Variants in CTNNA2 observed in about 807,000 individuals in gnomAD.
The protein encoded by CTNNA2 is catenin alpha 2.
CTNNA2 carries 42 observed loss-of-function variants against 101.0 expected under a neutral mutation model. That is an observed-to-expected ratio of 0.42 (90% CI 0.32 to 0.54). The LOEUF is 0.54. Ranked by LOEUF, CTNNA2 falls within the 20% of genes least tolerant of loss-of-function variation. CTNNA2 has a pLI of 0.14. For synonymous variants in CTNNA2, 450 were observed against 456.4 expected (o/e 0.99, Z 0.18); for missense variants, 871 against 1,223.1 (o/e 0.71, Z 4.29).
intron 4 of CTNNA2, among the ~76,000 whole-genome samples, chr2:79,414,715 A>G (rs1379681247): frequency 1.3e-5 from 2 of 151,978 alleles, no homozygotes; most frequent in Admixed American, 1.3e-4. Context: ...GAACCCCTAT[A>G]ATACCAGATG....
At chr2:79,501,169 A>G (rs1671315026) in intron 4 of CTNNA2, among the ~76,000 whole-genome samples, 3 of 152,226 alleles carry the variant, frequency 2.0e-5, no homozygotes, top group African/African-American at 7.2e-5. Flanking sequence ...TTTGAATATA[A>G]TGATGACCTT....
intron 7 of CTNNA2, among the ~76,000 whole-genome samples, chr2:79,961,928 C>A (rs537860540): frequency 6.6e-6 from 1 of 151,014 alleles, no homozygotes; most frequent in East Asian, 2.0e-4. Context: ...ATTTTTAATT[C>A]ATCCAGATAA....
chr2:79,740,450 C>T (rs76574331), intron 2 of CTNNA2, among the ~76,000 whole-genome samples: 2,842 of 152,128 alleles, frequency 0.019, 85 homozygotes, highest in East Asian at 0.11. Flanking sequence ...TACTTTTGTC[C>T]TTCTTTTGCT....
chr2:79,229,973 A>G (rs1349589364), intron 2 of CTNNA2, among the ~76,000 whole-genome samples: 3 of 152,228 alleles, frequency 2.0e-5, no homozygotes, highest in Non-Finnish European at 4.4e-5. Context: ...AGAAATTTCT[A>G]AACAGCAAAG....
intron 4 of CTNNA2, among the ~76,000 whole-genome samples, chr2:79,868,883 T>A (rs1460385511): frequency 6.6e-6 from 1 of 152,192 alleles, no homozygotes; most frequent in Non-Finnish European, 1.5e-5. Flanking sequence ...TTTCCATTGA[T>A]GAAATTATTT....
At chr2:79,771,310 G>A (rs970677349) in intron 3 of CTNNA2, among the ~76,000 whole-genome samples, 2 of 152,134 alleles carry the variant, frequency 1.3e-5, no homozygotes, top group Admixed American at 6.6e-5. Flanking sequence ...TTAGCTCAGC[G>A]GTCCCAACCT....
chr2:80,333,152 C>T (rs866878323), intron 7 of CTNNA2, among the ~76,000 whole-genome samples: 3 of 152,198 alleles, frequency 2.0e-5, no homozygotes, highest in Non-Finnish European at 4.4e-5. Context: ...GAAAAGTTTT[C>T]GGATCCCTGT....
chr2:80,538,853 A>G (rs1691281243), intron 9 of CTNNA2, among the ~76,000 whole-genome samples: 1 of 152,202 alleles, frequency 6.6e-6, no homozygotes, highest in Non-Finnish European at 1.5e-5. Flanking sequence ...CTTCCTGTCC[A>G]CGAGCATGGA....
intron 2 of CTNNA2, among the ~76,000 whole-genome samples, chr2:79,683,393 A>G (rs1051705716): frequency 3.9e-5 from 6 of 152,200 alleles, no homozygotes; most frequent in Non-Finnish European, 8.8e-5. Flanking sequence ...TTCTGCCTCA[A>G]TTTCCCTGAA....
intron 7 of CTNNA2, among the ~76,000 whole-genome samples, chr2:80,257,749 C>T (rs537418417): frequency 1.3e-5 from 2 of 152,232 alleles, no homozygotes; most frequent in East Asian, 1.9e-4. Context: ...ACTCTGCCTT[C>T]GGCATTCTGT....
chr2:79,555,307 TC>T (rs1321008713), intron 1 of CTNNA2, among the ~76,000 whole-genome samples: 1 of 152,056 alleles, frequency 6.6e-6, no homozygotes, highest in Admixed American at 6.6e-5. Context: ...CACCCAGTAG[TC>T]CCCACCCTGA....
At chr2:80,429,702 A>G (rs1681314499) in intron 9 of CTNNA2, among the ~76,000 whole-genome samples, 1 of 152,202 alleles carries the variant, frequency 6.6e-6, no homozygotes, top group Non-Finnish European at 1.5e-5. Flanking sequence ...ATTCTTATAT[A>G]CTAGTGGAAC....
chr2:79,909,333 GA>G (rs1685632900), intron 6 of CTNNA2, among the ~76,000 whole-genome samples: 2 of 152,184 alleles, frequency 1.3e-5, no homozygotes, highest in Admixed American at 1.3e-4. Context: ...AATCTTATTT[GA>G]AAGCTCTTCC....
intron 18 of CTNNA2, among the ~76,000 whole-genome samples, chr2:80,629,030 G>T (rs1235144202): frequency 3.3e-5 from 5 of 152,076 alleles, no homozygotes; most frequent in Non-Finnish European, 5.9e-5. Flanking sequence ...CTACTTCATT[G>T]AGTTATTGTT....
chr2:80,035,796 C>T (rs1179309933), intron 7 of CTNNA2, among the ~76,000 whole-genome samples: 1 of 152,206 alleles, frequency 6.6e-6, no homozygotes, highest in African/African-American at 2.4e-5. Context: ...CATCAGTCAC[C>T]TTCAGTACCT....
chr2:79,444,543 T>C (rs1244197537), intron 4 of CTNNA2, among the ~76,000 whole-genome samples: 1 of 152,106 alleles, frequency 6.6e-6, no homozygotes, highest in Non-Finnish European at 1.5e-5. Flanking sequence ...TCTGTAGCTA[T>C]TATTTCCCTT....
rs201640321 is a variant in CTNNA2 at position 79,993,050 on chromosome 2, AG to A, written c.1056+83255del. 1.6e-3 allele frequency among the ~76,000 whole-genome samples: 236 copies of A among 150,746 alleles called. 1 individual carries two copies. In the East Asian group the frequency reaches 0.041, roughly 26 times the overall value. ...TCCCCATCTACCAAGAACCATCAAC[AG>A]GTGGCTTTCTTGCAATTTATTTGAG... On this transcript the variant is annotated intron_variant, in intron 7 of 18. Coordinates refer to ENST00000402739, the MANE Select transcript of CTNNA2 (RefSeq NM_001282597.3).
intron 7 of CTNNA2, among the ~76,000 whole-genome samples, chr2:79,912,216 A>G (rs186707554): frequency 3.2e-4 from 49 of 152,374 alleles, no homozygotes; most frequent in African/African-American, 1.1e-3. Flanking sequence ...CATCAGTCCC[A>G]GATGAACATT....
At chr2:79,219,497 G>A (rs894596974) in intron 2 of CTNNA2, among the ~76,000 whole-genome samples, 1 of 152,120 alleles carries the variant, frequency 6.6e-6, no homozygotes, top group Non-Finnish European at 1.5e-5. Flanking sequence ...ATAGCCATAT[G>A]TGGCTAGTGA....
Sources: gnomAD v4.1 joint callset for allele counts (sites outside exome capture counted in the v4.1 genomes callset) on GRCh38, gnomAD v4.1.1 for gene constraint, MANE v1.5 for transcripts, NCBI Gene and HGNC (gene_info 2026-07-23, HGNC 2026-07-21) for gene names.